Variants in TEX15 observed in about 807,000 individuals in gnomAD.
TEX15 encodes testis expressed 15, meiosis and synapsis associated, also known as testis-expressed protein 15.
A neutral mutation model predicts 237.3 loss-of-function variants in TEX15; 171 were observed. That is an observed-to-expected ratio of 0.72 (90% CI 0.64 to 0.82). The LOEUF (loss-of-function observed/expected upper bound fraction) is 0.82, where lower values mean the gene tolerates loss of function less well. TEX15 is among the 40% of genes least tolerant of loss of function. The probability of loss-of-function intolerance (pLI) is 0.00; values close to 1 mark genes in which losing one functional copy is unlikely to be tolerated. For missense variants in TEX15, 3,750 were observed against 3,646.5 expected, an observed-to-expected ratio of 1.03 and a Z score of -0.73; for synonymous variants, 1,338 against 1,269.8, an observed-to-expected ratio of 1.05 and a Z score of -1.14.
intron 9 of TEX15, among the ~76,000 whole-genome samples, chr8:30,838,991 T>C (rs1374640571): frequency 6.6e-6 from 1 of 151,506 alleles, no homozygotes; most frequent in Non-Finnish European, 1.5e-5. Flanking sequence ...AGTTTCCATA[T>C]TTTTAGTAGA....
At chr8:30,875,518 CAAG>C (rs952796722) in intron 3 of TEX15, among the ~76,000 whole-genome samples, 1 of 152,116 alleles carries the variant, frequency 6.6e-6, no homozygotes, top group African/African-American at 2.4e-5. Flanking sequence ...TGCAAAAGTA[CAAG>C]AACATGTGTG....
chr8:30,874,763 A>C (rs1268906384), intron 4 of TEX15, among the ~76,000 whole-genome samples, 174 bp downstream of exon 4: 1 of 152,140 alleles, frequency 6.6e-6, no homozygotes, highest in African/African-American at 2.4e-5. Flanking sequence ...AAACTAATCA[A>C]ATCTCACACT....
At chr8:30,873,802 G>A (rs1304090593) in intron 4 of TEX15, among the ~76,000 whole-genome samples, 1 of 152,124 alleles carries the variant, frequency 6.6e-6, no homozygotes. Flanking sequence ...CATAAAATGA[G>A]TATAAATAAC....
intron 1 of TEX15, among the ~76,000 whole-genome samples, chr8:30,910,748 C>G (rs936302344): frequency 2.6e-5 from 4 of 151,450 alleles, no homozygotes; most frequent in Admixed American, 6.6e-5. Flanking sequence ...GGCACTCATC[C>G]AAATAATTTA....
intron 7 of TEX15, among the ~76,000 whole-genome samples, chr8:30,853,938 G>T (rs1486218496): frequency 1.3e-5 from 2 of 151,938 alleles, no homozygotes; most frequent in Non-Finnish European, 2.9e-5. Context: ...AAGGAATTTA[G>T]AAAATAAATT....
At chr8:30,900,713 CAA>C (rs1286705601) in intron 1 of TEX15, among the ~76,000 whole-genome samples, 1 of 152,108 alleles carries the variant, frequency 6.6e-6, no homozygotes, top group Non-Finnish European at 1.5e-5. Context: ...TCTGGAATGG[CAA>C]AAGAGTGGCA....
intron 4 of TEX15, among the ~76,000 whole-genome samples, chr8:30,873,289 A>G (rs1203286090): frequency 1.3e-5 from 2 of 152,128 alleles, no homozygotes; most frequent in Non-Finnish European, 2.9e-5. Context: ...TTTGGAAAGG[A>G]TTAATTACCT....
Position 30,837,992 on chromosome 8 carries a change from ATT to A in TEX15, c.8290_8291del (p.Asn2764SerfsTer8). 6.2e-7 allele frequency: 1 copy of A among 1,613,952 alleles called. No homozygotes were observed. Among genetic ancestry groups the A allele is most frequent in the East Asian group, 2.2e-5 (1 of 44,862 alleles). ...TTTCAACCTTTTTTGGCGTTAAATG[ATT>A]TCTTTTCAGACTGTCACATGAACTT... is the stretch of plus-strand genomic sequence containing the variant. ...VPSSCDSLKR[N>X]HLTPKKVEMQ... On this transcript the variant is annotated frameshift_variant, in exon 10 of 11. Coordinates refer to ENST00000643185, the MANE Select transcript of TEX15 (RefSeq NM_001350162.2). LOFTEE classifies it high-confidence loss of function.
rs1419757684 is a variant in TEX15 at position 30,846,750 on chromosome 8, A to G, written c.3417T>C (p.Ser1139=). The change falls in exon 8 of 11, where the codon TCT becomes TCC. Residue 1139 remains serine, a synonymous_variant. Transcript: ENST00000643185. ...YSKESNYFYS[S]TQNNETELTS... ...TAAGTTCTGTTTCATTGTTTTGTGT[A>G]GAGGAATAAAAATAGTTACTTTCCT... The G allele has an allele frequency of 2.5e-6, 4 of 1,613,876 alleles. No individual in the cohort carries two copies. Among genetic ancestry groups the G allele is most frequent in the Non-Finnish European group, 3.4e-6 (4 of 1,179,804 alleles).
intron 4 of TEX15, among the ~76,000 whole-genome samples, chr8:30,873,930 C>T (rs1185578202): frequency 6.6e-6 from 1 of 152,136 alleles, no homozygotes; most frequent in African/African-American, 2.4e-5. Context: ...CTTGTTCTAA[C>T]TTTTCTATAA....
rs771646233 is a variant in TEX15 at position 30,847,142 on chromosome 8, C to A, written c.3025G>T (p.Glu1009Ter). Residue 1009 changes from glutamate to a stop codon, truncating the protein, a stop_gained, in exon 8 of 11, where the codon GAA (glutamate) becomes TAA (stop). Coordinates refer to ENST00000643185, the MANE Select transcript of TEX15 (RefSeq NM_001350162.2). LOFTEE classifies it high-confidence loss of function. Reference sequence around the variant, plus strand: ...TCTGGACTTTCAGAAGAACAAGTTTCTTTAAACTGGTATATCTGGTGATCG... The same window carrying A: ...TCTGGACTTTCAGAAGAACAAGTTTATTTAAACTGGTATATCTGGTGATCG... ...NDDHQIYQFK[E>*]TCSSESPDFG... 6.2e-7 allele frequency: 1 copy of A among 1,613,778 alleles called. No individual in the cohort carries two copies. Among genetic ancestry groups the A allele is most frequent in the South Asian group, 1.1e-5 (1 of 91,054 alleles).
At chr8:30,890,495 C>G (rs1808774962) in intron 2 of TEX15, 1 of 152,178 alleles carries the variant, frequency 6.6e-6, no homozygotes, top group South Asian at 2.1e-4. Flanking sequence ...CCTTCTCAAT[C>G]TCCTTTGATT....
Position 30,831,635 on chromosome 8 carries a change from T to C in TEX15, c.*1651A>G, listed in dbSNP as rs1807182331. 3 of 152,178 alleles carry C rather than the reference T, an allele frequency of 2.0e-5. No individual in the cohort carries two copies. The highest frequency in any genetic ancestry group is 4.4e-5 in the Non-Finnish European group (3 of 68,024). The allele number at this position is 152,178 out of a possible 1,614,324, so 9.4% of individuals were successfully genotyped here. On this transcript the variant is annotated 3_prime_UTR_variant, in exon 11 of 11. Coordinates refer to ENST00000643185, the MANE Select transcript of TEX15 (RefSeq NM_001350162.2). ...TATTTAGGTAAGTCTTTAAGAGAAATTAAAACCCATGAAATAAAAATACCA... is the reference window on the plus strand; with the variant it reads ...TATTTAGGTAAGTCTTTAAGAGAAACTAAAACCCATGAAATAAAAATACCA...
At position 30,848,520 on chromosome 8, in the gene TEX15, T is replaced by C; in HGVS notation, c.1647A>G (p.Ser549=). Residue 549 remains serine, a synonymous_variant, in exon 8 of 11, where the codon TCA becomes TCG. Transcript: ENST00000643185. ...CACTGTGGTTTTGGTTCTCAACCTC[T>C]GACACTACATTTGACACAGAAATTG... ...SFPISVSNVV[S]EVENQNHSEE... is the part of the protein sequence containing the mutation. The C allele has an allele frequency of 1.2e-6, 2 of 1,614,184 alleles. No homozygotes were observed. Among genetic ancestry groups the C allele is most frequent in the South Asian group, 2.2e-5 (2 of 91,080 alleles).
intron 7 of TEX15, among the ~76,000 whole-genome samples, chr8:30,853,508 A>AGT (rs1220253716): frequency 6.6e-6 from 1 of 152,226 alleles, no homozygotes; most frequent in African/African-American, 2.4e-5. Flanking sequence ...TAAAAAACAC[A>AGT]GTATAACAAC....
In TEX15 at chr8:30,847,423, G is replaced by C. The variant is rs1463243684; in HGVS notation, c.2744C>G (p.Ser915Cys). The change falls in exon 8 of 11, where the codon TCT (serine) becomes TGT (cysteine). Residue 915 changes from serine (S) to cysteine (C), a missense_variant. Physicochemically the swap from Ser to Cys is moderately radical, Grantham distance 112 (BLOSUM62 -1). Coordinates refer to ENST00000643185, the MANE Select transcript of TEX15 (RefSeq NM_001350162.2). ...GTTAAATTTAGTAGAAAATTCTTCA[G>C]AACTCAAAATTTCTATATTGTGGTA... is the stretch of plus-strand genomic sequence containing the variant. ...KNYHNIEILS[S>C]EEFSTKFNLI... 20 of 1,611,438 alleles carry C rather than the reference G, an allele frequency of 1.2e-5. No homozygotes were observed. Among genetic ancestry groups the C allele is most frequent in the Non-Finnish European group, 1.7e-5 (20 of 1,179,406 alleles).
rs369553265 is a variant in TEX15 at position 30,844,375 on chromosome 8, C to T, written c.5792G>A (p.Ser1931Asn). Residue 1931 changes from serine (S) to asparagine (N), a missense_variant, in exon 8 of 11, where the codon AGT becomes AAT. Ser to Asn is a conservative substitution (Grantham distance 46, BLOSUM62 1). Transcript: ENST00000643185. Reference protein sequence around the residue: ...KREKKGEIKVSKDSQSDLTLH... With the variant: ...KREKKGEIKVNKDSQSDLTLH... ...TGTCAAGTCAGACTGCGAGTCTTTA[C>T]TAACTTTAATTTCCCCCTTCTTCTC... 1.6e-5 allele frequency: 25 copies of T among 1,609,764 alleles called. No individual in the cohort carries two copies. The African/African-American group carries it at 1.6e-4, about 10-fold the overall frequency.
chr8:30,899,034 C>T (rs1036968691), intron 1 of TEX15, among the ~76,000 whole-genome samples: 2 of 151,136 alleles, frequency 1.3e-5, no homozygotes, highest in African/African-American at 4.9e-5. Flanking sequence ...TCTTCTTTCC[C>T]TCCTCTTTTC....
At chr8:30,908,542 T>C (rs1809155449) in intron 1 of TEX15, among the ~76,000 whole-genome samples, 1 of 152,198 alleles carries the variant, frequency 6.6e-6, no homozygotes, top group African/African-American at 2.4e-5. Context: ...AGTCTCTCTC[T>C]AAACAAAGCT....
Sources: gnomAD v4.1 joint callset for allele counts (sites outside exome capture counted in the v4.1 genomes callset) on GRCh38, gnomAD v4.1.1 for gene constraint, MANE v1.5 for transcripts, NCBI Gene and HGNC (gene_info 2026-07-23, HGNC 2026-07-21) for gene names.